TACC3: variants seen among roughly 807,000 people sequenced by gnomAD.
TACC3 encodes the protein transforming acidic coiled-coil-containing protein 3.
Under a neutral mutation model 86.0 loss-of-function variants are expected in TACC3, and 52 were observed. The observed-to-expected ratio is 0.60, with a 90% CI of 0.48 to 0.76. The LOEUF is 0.76. Among genes scored for constraint, TACC3 ranks in the 30% least tolerant of loss-of-function variants. The pLI is 0.00. For missense variants in TACC3, 1,120 were observed against 1,070.4 expected, an observed-to-expected ratio of 1.05 and a Z score of -0.65; for synonymous variants, 512 against 430.0, an observed-to-expected ratio of 1.19 and a Z score of -2.36.
chr4:1,727,854 A>T lies in TACC3; in HGVS notation c.452A>T (p.Asp151Val). 1 of 1,613,482 alleles carries T rather than the reference A, an allele frequency of 6.2e-7. No homozygotes were observed. Among genetic ancestry groups the T allele is most frequent in the Non-Finnish European group, 8.5e-7 (1 of 1,180,018 alleles). The stretch of plus-strand genomic sequence containing the variant: ...GAGTCTGGCCCAGGTGCCCTGGCTG[A>T]CCTGGACTGCTCAAGCTCTTCCCAG... ...SSESGPGALA[D>V]LDCSSSSQSP... The change falls in exon 4 of 16, where the codon GAC becomes GTC. Residue 151 changes from aspartate to valine, a missense_variant. Asp to Val is a radical substitution (Grantham distance 152, BLOSUM62 -3). Coordinates refer to ENST00000313288, the MANE Select transcript of TACC3 (RefSeq NM_006342.3).
rs115780045 is a variant in TACC3 at position 1,729,490 on chromosome 4, A to G, written c.1385+703A>G. On this transcript the variant is annotated intron_variant, in intron 4 of 15. Transcript: ENST00000313288. ...GGTTAAGGAGTGTGAGCCATCTCCAATGATAGGTCAGGTCACGCAAGTCAC... is the reference window on the plus strand; with the variant it reads ...GGTTAAGGAGTGTGAGCCATCTCCAGTGATAGGTCAGGTCACGCAAGTCAC... Among the ~76,000 whole-genome samples, 629 of 152,278 alleles carry G rather than the reference A, an allele frequency of 4.1e-3. 8 individuals are homozygous for G. The highest frequency in any genetic ancestry group is 0.014 in the African/African-American group (601 of 41,556).
chr4:1,739,436 A>T, intron 10 of TACC3: 2 of 543,040 alleles, frequency 3.7e-6, no homozygotes, highest in Non-Finnish European at 6.6e-6. Context: ...CTGCAGGGAC[A>T]CACACCTGTT....
At chr4:1,741,089 C>G in intron 13 of TACC3, 103 bp downstream of exon 13, 1 of 1,189,478 alleles carries the variant, frequency 8.4e-7, no homozygotes, top group Non-Finnish European at 1.2e-6. Flanking sequence ...GGTCCTTGGC[C>G]AAGCCTCCCC....
At chr4:1,739,919 C>T (rs757265323) in intron 11 of TACC3, 40 bp from the exon 12 acceptor site, 1 of 1,611,814 alleles carries the variant, frequency 6.2e-7, no homozygotes, top group Non-Finnish European at 8.5e-7. Flanking sequence ...GACCGCTGGG[C>T]ACCCGAGGCA....
rs910200706 is a variant in TACC3 at position 1,722,361 on chromosome 4, C to G, written c.-2+718C>G. The stretch of plus-strand genomic sequence containing the variant: ...AGCACCCCTTCCCCTGCCCTGTACC[C>G]AGTTATTCAGGGCGAAAACCTAAGC... On this transcript the variant is annotated intron_variant, in intron 1 of 15. Transcript: ENST00000313288. Among the ~76,000 whole-genome samples, 6 of 152,360 alleles carry G rather than the reference C, an allele frequency of 3.9e-5. 1 individual carries two copies. In the South Asian group the frequency reaches 1.2e-3, roughly 32 times the overall value.
At chr4:1,738,356 G>A in intron 10 of TACC3, 1 of 192,586 alleles carries the variant, frequency 5.2e-6, no homozygotes, top group Middle Eastern at 2.2e-3. Flanking sequence ...AGTGGCCCCA[G>A]GTGTCATCTC....
intron 6 of TACC3, among the ~76,000 whole-genome samples, chr4:1,731,773 T>G (rs938537693): frequency 6.6e-6 from 1 of 152,246 alleles, no homozygotes; most frequent in Admixed American, 6.5e-5. Flanking sequence ...TAGCTGGGAT[T>G]ACAAGCATGT....
rs1421884078 is a variant in TACC3, at chr4:1,735,283, G to A, written c.1602G>A (p.Thr534=). ...SFRDPAEVLG[T]GAEVDYLEQF... is the part of the protein sequence containing the mutation. ...ATTCACTCCTCTCAGTTCTAGGCAC[G>A]GGCGCGGAGGTGGATTACCTGGAGC... Residue 534 remains threonine, a synonymous_variant, in exon 7 of 16, where the codon ACG becomes ACA. Coordinates refer to ENST00000313288, the MANE Select transcript of TACC3 (RefSeq NM_006342.3). The surrounding 1 kb of genome is among the most constrained non-coding windows in gnomAD (Gnocchi z 4.2). 6.2e-6 allele frequency: 10 copies of A among 1,613,912 alleles called. No homozygotes were observed. Among genetic ancestry groups the A allele is most frequent in the Admixed American group, 1.7e-5 (1 of 60,010 alleles).
rs1232384668 is a variant in TACC3, at chr4:1,739,983, G to A, written c.2043G>A (p.Glu681=). The change falls in exon 12 of 16, where the codon GAG becomes GAA. Residue 681 remains glutamate (E), a synonymous_variant. Coordinates refer to ENST00000313288, the MANE Select transcript of TACC3 (RefSeq NM_006342.3). The part of the protein sequence containing the change: ...ELGKIMDRFE[E]VVYQAMEEVQ... ...GGAAGATCATGGACAGGTTCGAAGAGGTTGTGTACCAGGCCATGGGTGAGT... is the reference window on the plus strand; with the variant it reads ...GGAAGATCATGGACAGGTTCGAAGAAGTTGTGTACCAGGCCATGGGTGAGT... The A allele has an allele frequency of 1.2e-6, 2 of 1,613,008 alleles. No individual in the cohort carries two copies. Among genetic ancestry groups the A allele is most frequent in the Middle Eastern group, 1.6e-4 (1 of 6,084 alleles).
At chr4:1,737,576 G>A (rs2108708838) in intron 9 of TACC3, 22 bp from the exon 10 acceptor site, 1 of 1,484,802 alleles carries the variant, frequency 6.7e-7, no homozygotes, top group Non-Finnish European at 9.0e-7. Flanking sequence ...ATGGGTTCCT[G>A]TTTCATCCCC....
chr4:1,737,190 A>T (rs569074352), intron 8 of TACC3, 51 bp from the exon 9 acceptor site: 339 of 1,462,164 alleles, frequency 2.3e-4, no homozygotes, highest in Non-Finnish European at 3.1e-4. Context: ...TCTGTGTCCT[A>T]CTCAACACTG....
chr4:1,741,411 T>C (rs1336778142), intron 13 of TACC3: 2 of 153,472 alleles, frequency 1.3e-5, no homozygotes, highest in African/African-American at 2.4e-5. Context: ...GTCACGGCTG[T>C]GCAAGGCCAC....
At chr4:1,733,921 T>TGAGCCGA (rs1015256664) in intron 6 of TACC3, among the ~76,000 whole-genome samples, 4 of 147,996 alleles carry the variant, frequency 2.7e-5, no homozygotes, top group Admixed American at 6.9e-5. Flanking sequence ...GAGGTTGCAG[T>TGAGCCGA]GAGCCGAGAT....
Position 1,740,728 on chromosome 4 carries a change from C to T in TACC3, c.2063-98C>T, listed in dbSNP as rs1336551619. 3.6e-6 allele frequency: 4 copies of T among 1,121,960 alleles called. No individual in the cohort carries two copies. In the African/African-American group the frequency reaches 6.3e-5, roughly 18 times the overall value. The allele number at this position is 1,121,960 out of a possible 1,614,324, so 69.5% of individuals were successfully genotyped here. On this transcript the variant is annotated intron_variant, in intron 12 of 15. Coordinates refer to ENST00000313288, the MANE Select transcript of TACC3 (RefSeq NM_006342.3). The stretch of plus-strand genomic sequence containing the variant: ...TCACACCCACTGCCCACCTCTCCTC[C>T]TGGCGCTCGAGTCCCTTGCCTCATT...
chr4:1,736,771 G>A (rs369480623), intron 8 of TACC3, among the ~76,000 whole-genome samples: 1 of 152,300 alleles, frequency 6.6e-6, no homozygotes. Flanking sequence ...TTAGCCGGGT[G>A]AGGCGGCAGG....
intron 2 of TACC3, 39 bp from the exon 3 acceptor site, chr4:1,723,689 A>C (rs1577205144): frequency 6.2e-7 from 1 of 1,613,296 alleles, no homozygotes; most frequent in Non-Finnish European, 8.5e-7. Flanking sequence ...TAACAGCTTG[A>C]ACTAATGAAT....
In TACC3 at chr4:1,739,722, G is replaced by A; in HGVS notation, c.1962G>A (p.Glu654=). The A allele has an allele frequency of 6.3e-7, 1 of 1,586,140 alleles. No individual in the cohort carries two copies. Among genetic ancestry groups the A allele is most frequent in the Non-Finnish European group, 8.6e-7 (1 of 1,167,378 alleles). The change falls in exon 11 of 16, where the codon GAG becomes GAA. Residue 654 remains glutamate, a synonymous_variant. Transcript: ENST00000313288. ...AGCAGGTAAAGGCGACACAGGAGGA[G>A]AACCGGGAGCTGAGGAGCAGGTGTG... The part of the protein sequence containing the change: ...LDAVVKATQE[E]NRELRSRCEE...
At position 1,723,788 on chromosome 4, in the gene TACC3, G is replaced by A. The variant is rs568321568; in HGVS notation, c.223G>A (p.Ala75Thr). The A allele has an allele frequency of 6.2e-7, 1 of 1,613,824 alleles. No homozygotes were observed. Among genetic ancestry groups the A allele is most frequent in the East Asian group, 2.2e-5 (1 of 44,888 alleles). The stretch of plus-strand genomic sequence containing the variant: ...GCACAGGATTCTAAGTCCTAGCATG[G>A]CCAGCAAACTTGAGGCTCCTTTCAC... ...QTHRILSPSM[A>T]SKLEAPFTQD... Residue 75 changes from alanine to threonine, a missense_variant, in exon 3 of 16, where the codon GCC becomes ACC. By Grantham distance (58) the Ala-to-Thr change is moderately conservative. Coordinates refer to ENST00000313288, the MANE Select transcript of TACC3 (RefSeq NM_006342.3).
chr4:1,741,266 G>A (rs1394160874), intron 13 of TACC3: 2 of 303,970 alleles, frequency 6.6e-6, no homozygotes, highest in Non-Finnish European at 1.2e-5. Context: ...AGGCATCTGT[G>A]AGATTTGAGA....
Sources: gnomAD v4.1 joint callset for allele counts (sites outside exome capture counted in the v4.1 genomes callset) on GRCh38, gnomAD v4.1.1 for gene constraint, Gnocchi (gnomAD v3.1) non-coding constraint, MANE v1.5 for transcripts, NCBI Gene and HGNC (gene_info 2026-07-23, HGNC 2026-07-21) for gene names.